KCNC2: variants seen among roughly 807,000 people sequenced by gnomAD.
KCNC2 encodes the protein voltage-gated potassium channel KCNC2.
A neutral mutation model predicts 44.5 loss-of-function variants in KCNC2; 21 were observed. The observed-to-expected ratio is 0.47, with a 90% CI of 0.33 to 0.68. KCNC2 has a LOEUF of 0.68. Among genes scored for constraint, KCNC2 ranks in the 30% least tolerant of loss-of-function variants. The pLI, the probability that KCNC2 is intolerant of heterozygous loss-of-function variation, is 0.01. For missense variants in KCNC2, 589 were observed against 826.2 expected, an observed-to-expected ratio of 0.71 and a Z score of 3.52; for synonymous variants, 391 against 339.1, an observed-to-expected ratio of 1.15 and a Z score of -1.68.
At chr12:75,074,635 C>A (rs934447073) in intron 2 of KCNC2, among the ~76,000 whole-genome samples, 2 of 152,104 alleles carry the variant, frequency 1.3e-5, no homozygotes, top group Non-Finnish European at 2.9e-5. Flanking sequence ...ATCTTAGAGA[C>A]CACTTTCAAG....
At chr12:75,172,911 G>C (rs1040995778) in intron 2 of KCNC2, among the ~76,000 whole-genome samples, 1 of 151,636 alleles carries the variant, frequency 6.6e-6, no homozygotes, top group African/African-American at 2.4e-5. Flanking sequence ...ACTTTAACAA[G>C]GTATAATTAT....
intron 2 of KCNC2, among the ~76,000 whole-genome samples, chr12:75,052,923 C>A (rs1465150248): frequency 3.3e-5 from 5 of 152,140 alleles, no homozygotes; most frequent in Admixed American, 3.3e-4. Flanking sequence ...CTCTTTCATG[C>A]ACATTTTCCA....
chr12:75,121,765 C>T (rs555614350), intron 2 of KCNC2, among the ~76,000 whole-genome samples: 1 of 152,328 alleles, frequency 6.6e-6, no homozygotes, highest in Non-Finnish European at 1.5e-5. Flanking sequence ...GTGTTATTCA[C>T]TTGTCAGCTC....
intron 2 of KCNC2, among the ~76,000 whole-genome samples, chr12:75,192,386 G>A (rs1013533428): frequency 2.6e-5 from 4 of 152,096 alleles, no homozygotes; most frequent in Non-Finnish European, 4.4e-5. Context: ...GGTCCCACCG[G>A]CGATGTTTCT....
intron 2 of KCNC2, among the ~76,000 whole-genome samples, chr12:75,059,670 G>A (rs1490279588): frequency 1.3e-5 from 2 of 151,942 alleles, no homozygotes; most frequent in Non-Finnish European, 2.9e-5. Context: ...ATGACTAACA[G>A]GACAAACTAG....
chr12:75,175,002 G>C (rs1471220767), intron 2 of KCNC2, among the ~76,000 whole-genome samples: 1 of 151,948 alleles, frequency 6.6e-6, no homozygotes, highest in Non-Finnish European at 1.5e-5. Context: ...AGAAACTGTA[G>C]TGTCCAGATG....
intron 2 of KCNC2, among the ~76,000 whole-genome samples, chr12:75,139,520 G>T (rs1449634024): frequency 1.3e-5 from 2 of 152,188 alleles, no homozygotes; most frequent in Non-Finnish European, 2.9e-5. Flanking sequence ...ATGTGAACAA[G>T]AATTTTTGAG....
intron 2 of KCNC2, among the ~76,000 whole-genome samples, chr12:75,115,802 C>A (rs975511732): frequency 1.3e-5 from 2 of 151,854 alleles, no homozygotes; most frequent in East Asian, 3.9e-4. Flanking sequence ...ATTTAAGAAA[C>A]AAAATTATTA....
At chr12:75,179,260 G>A (rs976038246) in intron 2 of KCNC2, among the ~76,000 whole-genome samples, 2 of 151,810 alleles carry the variant, frequency 1.3e-5, no homozygotes, top group Non-Finnish European at 2.9e-5. Flanking sequence ...CATTCAGAGG[G>A]CGAAATTTTT....
At chr12:75,043,735 G>A (rs1356985652) in intron 4 of KCNC2, 1 of 1,485,216 alleles carries the variant, frequency 6.7e-7, no homozygotes. Context: ...AGCTTTATAG[G>A]GTTAAAAGAT....
intron 2 of KCNC2, among the ~76,000 whole-genome samples, chr12:75,105,584 A>G (rs1886719406): frequency 6.6e-6 from 1 of 152,202 alleles, no homozygotes; most frequent in Admixed American, 6.5e-5. Context: ...GACTTGGGAA[A>G]AGAAGTATTA....
At chr12:75,137,684 G>T (rs544449900) in intron 2 of KCNC2, among the ~76,000 whole-genome samples, 17 of 152,068 alleles carry the variant, frequency 1.1e-4, no homozygotes, top group Admixed American at 4.6e-4. Context: ...CATGAGAAAA[G>T]CTTTACAGTC....
rs1056128651 is a variant in KCNC2 at position 75,148,934 on chromosome 12, C to T, written c.687+58363G>A. ...TTTTTTAAAATGGCATTATTTCTTA[C>T]ATTTTTATGTCACATTACATTTCTT... On this transcript the variant is annotated intron_variant, in intron 2 of 4. Transcript: ENST00000549446. 2.4e-4 allele frequency among the ~76,000 whole-genome samples: 36 copies of T among 151,256 alleles called. 1 individual carries two copies. Among genetic ancestry groups the T allele is most frequent in the Admixed American group, 2.0e-3 (30 of 15,118 alleles).
intron 2 of KCNC2, among the ~76,000 whole-genome samples, chr12:75,146,316 T>G (rs1890026164): frequency 6.6e-6 from 1 of 152,178 alleles, no homozygotes; most frequent in South Asian, 2.1e-4. Context: ...AAGAGATTTT[T>G]AACATGTAGA....
intron 2 of KCNC2, among the ~76,000 whole-genome samples, chr12:75,196,168 G>A (rs980356809): frequency 6.6e-6 from 1 of 152,070 alleles, no homozygotes; most frequent in Admixed American, 6.6e-5. Context: ...TCCTTTGGTT[G>A]TTTTCTTACA....
chr12:75,041,148 G>C lies in KCNC2; in HGVS notation c.*1957C>G. On this transcript the variant is annotated 3_prime_UTR_variant, in exon 5 of 5. Coordinates refer to ENST00000549446, the MANE Select transcript of KCNC2 (RefSeq NM_139137.4). Reference sequence around the variant, plus strand: ...TGTTTCCAGTATAGTCCTTGGTATGGCTAAATTCCACTGTCCCTTTCTCAG... The same window carrying C: ...TGTTTCCAGTATAGTCCTTGGTATGCCTAAATTCCACTGTCCCTTTCTCAG... 1 of 1,596,606 alleles carries C rather than the reference G, an allele frequency of 6.3e-7. No homozygotes were observed. The highest frequency in any genetic ancestry group is 8.5e-7 in the Non-Finnish European group (1 of 1,178,676).
At chr12:75,194,842 A>G (rs2030618647) in intron 2 of KCNC2, among the ~76,000 whole-genome samples, 1 of 152,176 alleles carries the variant, frequency 6.6e-6, no homozygotes. Flanking sequence ...AAGTTCTTTT[A>G]AAACAAGAAA....
At chr12:75,136,017 A>C (rs1889202791) in intron 2 of KCNC2, among the ~76,000 whole-genome samples, 1 of 152,020 alleles carries the variant, frequency 6.6e-6, no homozygotes, top group Admixed American at 6.6e-5. Flanking sequence ...CACCTAAGAC[A>C]AATATGTCAA....
intron 2 of KCNC2, among the ~76,000 whole-genome samples, chr12:75,126,105 T>G (rs2137312438): frequency 6.6e-6 from 1 of 152,214 alleles, no homozygotes; most frequent in East Asian, 1.9e-4. Flanking sequence ...AACCCGAGTC[T>G]CTCTTCTCTC....
Sources: allele counts gnomAD v4.1 joint callset (sites outside exome capture counted in the v4.1 genomes callset), GRCh38; gene constraint gnomAD v4.1.1; transcripts MANE v1.5; gene names NCBI Gene and HGNC (gene_info 2026-07-23, HGNC 2026-07-21).